Variants in TMEM131L observed in about 807,000 individuals in gnomAD.
TMEM131L encodes the protein transmembrane 131 like.
TMEM131L carries 54 observed loss-of-function variants against 192.2 expected under a neutral mutation model. The ratio of observed to expected loss-of-function variants is 0.28; its 90% confidence interval spans 0.23 to 0.35. TMEM131L has a LOEUF of 0.35. Ranked by LOEUF, TMEM131L falls within the 10% of genes least tolerant of loss-of-function variation. The pLI is 1.00. For missense variants in TMEM131L, 1,888 were observed against 1,972.9 expected, an observed-to-expected ratio of 0.96 and a Z score of 0.82; for synonymous variants, 701 against 704.9, an observed-to-expected ratio of 0.99 and a Z score of 0.09.
chr4:153,484,148 C>T (rs1462474908), intron 3 of TMEM131L, among the ~76,000 whole-genome samples: 4 of 152,018 alleles, frequency 2.6e-5, no homozygotes, highest in African/African-American at 9.7e-5. Flanking sequence ...GAATTGTCAC[C>T]AGAGTATTAG....
chr4:153,556,890 A>C (rs1728500890), intron 5 of TMEM131L, 76 bp from the exon 6 acceptor site: 2 of 732,530 alleles, frequency 2.7e-6, no homozygotes, highest in East Asian at 4.9e-5. Flanking sequence ...AGAAATTGTC[A>C]AAAAAAGAAA....
intron 2 of TMEM131L, among the ~76,000 whole-genome samples, chr4:153,471,540 A>G (rs571371394): frequency 2.0e-5 from 3 of 152,302 alleles, no homozygotes; most frequent in East Asian, 1.9e-4. Context: ...GTTATTTCCT[A>G]GTATTGTTTG....
chr4:153,533,139 A>G (rs1024252973), intron 3 of TMEM131L, among the ~76,000 whole-genome samples: 1 of 151,968 alleles, frequency 6.6e-6, no homozygotes, highest in Non-Finnish European at 1.5e-5. Context: ...GGCATGCACT[A>G]CCACACCCGG....
intron 7 of TMEM131L, among the ~76,000 whole-genome samples, chr4:153,578,536 T>C (rs1730117267): frequency 6.6e-6 from 1 of 151,048 alleles, no homozygotes; most frequent in East Asian, 2.0e-4. Context: ...TTTTTTTTTT[T>C]TTTTGACGGA....
At chr4:153,532,405 A>T (rs142552359) in intron 3 of TMEM131L, among the ~76,000 whole-genome samples, 55 of 151,642 alleles carry the variant, frequency 3.6e-4, no homozygotes, top group Admixed American at 1.3e-3. Context: ...TTGAATTAGG[A>T]GTCTGGCGTG....
rs755105960 is a variant in TMEM131L at position 153,591,140 on chromosome 4, C to A, written c.1758C>A (p.Ile586=). ...TTGTTTTCTTTTTGCCTCGTTTGAT[C>A]GCAGAGCCTGGCCTCATGTTAAACT... ...ESFVFFLPRL[I]AEPGLMLNFS... Residue 586 remains isoleucine (I), a synonymous_variant, in exon 17 of 35, where the codon ATC becomes ATA. Coordinates refer to ENST00000409959, the MANE Select transcript of TMEM131L (RefSeq NM_001131007.2). 1.2e-6 allele frequency: 2 copies of A among 1,611,378 alleles called. No individual in the cohort carries two copies. Among genetic ancestry groups the A allele is most frequent in the Non-Finnish European group, 1.7e-6 (2 of 1,178,442 alleles).
rs748222254 is a variant in TMEM131L at position 153,622,895 on chromosome 4, CAGA to C, written c.3860_3862del (p.Glu1287del). The C allele has an allele frequency of 8.1e-6, 13 of 1,614,102 alleles. No homozygotes were observed. In the South Asian group the frequency reaches 1.4e-4, roughly 18 times the overall value. ...GAAACATGACTCCTTTCACTTCCTC[CAGA>C]AGGTTACTACCAGAAGCCTGAGAAG... On this transcript the variant is annotated splice_acceptor_variant and coding_sequence_variant, in exon 29 of 35. Coordinates refer to ENST00000409959, the MANE Select transcript of TMEM131L (RefSeq NM_001131007.2). LOFTEE classifies it high-confidence loss of function.
chr4:153,502,419 A>C (rs1365120716), intron 3 of TMEM131L, among the ~76,000 whole-genome samples: 1 of 152,196 alleles, frequency 6.6e-6, no homozygotes, highest in African/African-American at 2.4e-5. Flanking sequence ...TCTTTGTCAC[A>C]GTGAACCTTA....
intron 3 of TMEM131L, among the ~76,000 whole-genome samples, chr4:153,524,385 A>G (rs145070968): frequency 1.3e-5 from 2 of 152,214 alleles, no homozygotes; most frequent in Non-Finnish European, 2.9e-5. Context: ...CTCCCACAAC[A>G]CTTTGTAAAT....
intron 7 of TMEM131L, among the ~76,000 whole-genome samples, chr4:153,566,553 C>T (rs113859220): frequency 2.1e-4 from 28 of 132,056 alleles, no homozygotes; most frequent in African/African-American, 7.0e-4. Flanking sequence ...GTGTGTGTGT[C>T]TCAACATAGT....
At position 153,466,365 on chromosome 4, in the gene TMEM131L, C is replaced by A; in HGVS notation, c.-33C>A. ...GGCGCCAGCGAGCTAGCGGCGAGCG[C>A]GGCGAGCAACGGAGAGGAGCGCGAG... On this transcript the variant is annotated 5_prime_UTR_variant, in exon 1 of 35. Coordinates refer to ENST00000409959, the MANE Select transcript of TMEM131L (RefSeq NM_001131007.2). The A allele has an allele frequency of 8.1e-7, 1 of 1,233,256 alleles. No homozygotes were observed. Among genetic ancestry groups the A allele is most frequent in the Non-Finnish European group, 1.0e-6 (1 of 984,842 alleles). 76.4% of individuals were successfully genotyped at this position (1,233,256 alleles called of 1,614,324 possible).
At chr4:153,600,615 AATGCTTTT>A (rs1301833169) in intron 21 of TMEM131L, among the ~76,000 whole-genome samples, 1 of 152,206 alleles carries the variant, frequency 6.6e-6, no homozygotes, top group Non-Finnish European at 1.5e-5. Flanking sequence ...AACAATGTAA[AATGCTTTT>A]AGTGAATTCT....
chr4:153,599,912 G>T (rs1206341406), intron 21 of TMEM131L, among the ~76,000 whole-genome samples: 2 of 152,066 alleles, frequency 1.3e-5, no homozygotes, highest in African/African-American at 4.8e-5. Context: ...ACAAAAATTA[G>T]TCAGGCATGG....
intron 9 of TMEM131L, among the ~76,000 whole-genome samples, chr4:153,582,420 GTTTTTTTTTGTTGT>G (rs1342677965): frequency 0.016 from 1,275 of 81,772 alleles, 124 homozygotes; most frequent in Middle Eastern, 0.08. Flanking sequence ...AATTTAAACC[GTTTTTTTTTGTTGT>G]TTTTTTTTTT....
chr4:153,576,552 G>T (rs546190886), intron 7 of TMEM131L, among the ~76,000 whole-genome samples: 44 of 152,076 alleles, frequency 2.9e-4, no homozygotes, highest in African/African-American at 1.0e-3. Flanking sequence ...GTTGTTAATT[G>T]TGTCAAAAAC....
intron 7 of TMEM131L, among the ~76,000 whole-genome samples, chr4:153,570,112 C>T (rs967647042): frequency 3.3e-5 from 5 of 152,120 alleles, no homozygotes; most frequent in African/African-American, 4.8e-5. Context: ...CTAGAATGTG[C>T]GTGGTTTCCC....
chr4:153,478,193 G>T (rs1313404716), intron 3 of TMEM131L, among the ~76,000 whole-genome samples: 1 of 152,106 alleles, frequency 6.6e-6, no homozygotes, highest in Non-Finnish European at 1.5e-5. Context: ...ATCATGATGT[G>T]GGTGGGATGC....
chr4:153,572,567 G>A (rs958020599), intron 7 of TMEM131L, among the ~76,000 whole-genome samples: 3 of 152,090 alleles, frequency 2.0e-5, no homozygotes, highest in Non-Finnish European at 4.4e-5. Flanking sequence ...CTGAACTCAG[G>A]TAATCCACCT....
intron 7 of TMEM131L, among the ~76,000 whole-genome samples, chr4:153,565,318 T>A (rs1729118402): frequency 6.6e-6 from 1 of 152,236 alleles, no homozygotes; most frequent in Non-Finnish European, 1.5e-5. Context: ...AAATAGCATA[T>A]CTACTAGTCA....
Sources: allele counts gnomAD v4.1 joint callset (sites outside exome capture counted in the v4.1 genomes callset), GRCh38; gene constraint gnomAD v4.1.1; transcripts MANE v1.5; gene names NCBI Gene and HGNC (gene_info 2026-07-23, HGNC 2026-07-21).